The following SLIT3 variants were observed in gnomAD, a reference collection of about 807,000 sequenced individuals.
SLIT3 encodes slit homolog 3 protein.
A neutral mutation model predicts 184.0 loss-of-function variants in SLIT3; 68 were observed. The observed-to-expected ratio is 0.37, with a 90% confidence interval of 0.30 to 0.45. SLIT3 has a LOEUF of 0.45. Ranked by LOEUF, SLIT3 falls within the 20% of genes least tolerant of loss-of-function variation. SLIT3 has a pLI of 1.00. For synonymous variants in SLIT3, 831 were observed against 828.6 expected, an observed-to-expected ratio of 1.00 and a Z score of -0.05; for missense variants, 1,707 against 2,026.0, an observed-to-expected ratio of 0.84 and a Z score of 3.02.
chr5:168,772,627 C>G (rs941084966), intron 14 of SLIT3, 154 bp downstream of exon 14: 2 of 708,686 alleles, frequency 2.8e-6, no homozygotes, highest in African/African-American at 3.6e-5. Context: ...AACTGGTTTT[C>G]TGCAGGGCTA....
At chr5:168,963,254 C>G (rs1763076119) in intron 4 of SLIT3, among the ~76,000 whole-genome samples, 1 of 152,182 alleles carries the variant, frequency 6.6e-6, no homozygotes, top group African/African-American at 2.4e-5. Flanking sequence ...CTACTGCAAC[C>G]TCCATCTCCT....
intron 33 of SLIT3, 104 bp downstream of exon 33, chr5:168,673,073 C>T: frequency 8.9e-7 from 1 of 1,121,118 alleles, no homozygotes; most frequent in Non-Finnish European, 1.3e-6. Flanking sequence ...TTGTCCCTTC[C>T]TCCAGGAAGC....
At chr5:168,705,521 C>T (rs1397091265) in intron 26 of SLIT3, among the ~76,000 whole-genome samples, 1 of 152,026 alleles carries the variant, frequency 6.6e-6, no homozygotes, top group East Asian at 2.0e-4. Flanking sequence ...GTCATCATCA[C>T]CGATACCATC....
chr5:168,674,526 C>G (rs917752915), intron 32 of SLIT3, among the ~76,000 whole-genome samples: 1 of 137,040 alleles, frequency 7.3e-6, no homozygotes, highest in African/African-American at 2.7e-5. Flanking sequence ...GAGTCTCACT[C>G]TGTCGCCCAG....
chr5:169,111,385 C>A (rs554041381), intron 4 of SLIT3, among the ~76,000 whole-genome samples: 2 of 152,356 alleles, frequency 1.3e-5, no homozygotes, highest in South Asian at 4.1e-4. Flanking sequence ...TGGGGCCATA[C>A]TCAACCATGC....
At chr5:168,998,199 A>G (rs573865839) in intron 4 of SLIT3, among the ~76,000 whole-genome samples, 2 of 152,338 alleles carry the variant, frequency 1.3e-5, no homozygotes, top group African/African-American at 4.8e-5. Flanking sequence ...ATACTTTGTC[A>G]TGGCTTAAAA....
At chr5:168,896,699 A>G (rs568649780) in intron 4 of SLIT3, among the ~76,000 whole-genome samples, 4 of 152,306 alleles carry the variant, frequency 2.6e-5, no homozygotes, top group Middle Eastern at 6.8e-3. Flanking sequence ...CTGGTTGGAA[A>G]ATGGTTGACT....
chr5:169,057,170 G>C (rs1250891684), intron 4 of SLIT3, among the ~76,000 whole-genome samples: 1 of 152,176 alleles, frequency 6.6e-6, no homozygotes, highest in Non-Finnish European at 1.5e-5. Context: ...ATGTGACCTA[G>C]GGAAGTTGAG....
At chr5:168,952,570 TTA>T (rs147000860) in intron 4 of SLIT3, among the ~76,000 whole-genome samples, 44,177 of 120,076 alleles carry the variant, frequency 0.37, 7,616 homozygotes, top group African/African-American at 0.45. Context: ...GCAAAGGGAT[TTA>T]AAAAAAAAAA....
chr5:168,818,932 T>C (rs1757429845), intron 7 of SLIT3, among the ~76,000 whole-genome samples: 2 of 152,278 alleles, frequency 1.3e-5, no homozygotes, highest in Non-Finnish European at 2.9e-5. Context: ...ATATCCCATA[T>C]AAAATGTAAT....
chr5:168,746,675 A>G (rs985619929), intron 20 of SLIT3, among the ~76,000 whole-genome samples: 146 of 5,034 alleles, frequency 0.029, 19 homozygotes, highest in Admixed American at 0.04. Context: ...GTGTGGTGGT[A>G]TGGTGGTGTG....
chr5:169,160,653 T>C (rs1472799804), intron 4 of SLIT3, among the ~76,000 whole-genome samples: 1 of 152,230 alleles, frequency 6.6e-6, no homozygotes, highest in East Asian at 1.9e-4. Flanking sequence ...TGAGATAAGC[T>C]GGAGGAATGA....
rs1468863247 is a variant in SLIT3, at chr5:169,059,907, AG to A, written c.413+133571del. 1.2e-4 allele frequency among the ~76,000 whole-genome samples: 18 copies of A among 152,360 alleles called. No individual in the cohort carries two copies. In the East Asian group the frequency reaches 2.9e-3, roughly 25 times the overall value. ...GAGGCAGGGCCTTTGGGAGATGATTAGGTCATGAGGCAGAGCCTTTTTGAAT... is the reference window on the plus strand; with the variant it reads ...GAGGCAGGGCCTTTGGGAGATGATTAGTCATGAGGCAGAGCCTTTTTGAAT... On this transcript the variant is annotated intron_variant, in intron 4 of 35. Coordinates refer to ENST00000519560, the MANE Select transcript of SLIT3 (RefSeq NM_003062.4).
chr5:168,773,081 G>T (rs777530853), intron 13 of SLIT3, 137 bp from the exon 14 acceptor site: 2 of 861,640 alleles, frequency 2.3e-6, no homozygotes, highest in Admixed American at 3.1e-5. Context: ...GAAGCCTTAG[G>T]GGGTGCTACT....
intron 23 of SLIT3, chr5:168,720,014 A>G (rs56238631): frequency 0.23 from 35,157 of 152,070 alleles, 4,279 homozygotes; most frequent in Non-Finnish European, 0.26. Flanking sequence ...CCCAGGCTCC[A>G]ATGATCCTCC....
rs180745815 is a variant in SLIT3 at position 169,219,351 on chromosome 5, C to G, written c.341+25354G>C. On this transcript the variant is annotated intron_variant, in intron 3 of 35. Coordinates refer to ENST00000519560, the MANE Select transcript of SLIT3 (RefSeq NM_003062.4). ...GTAGGTTTTAATTAATTTAATCCCC[C>G]AACATGCCTAGAAGGTGCAGACCAT... is the stretch of plus-strand genomic sequence containing the variant. Among the ~76,000 whole-genome samples the G allele has an allele frequency of 5.9e-5, 9 of 152,332 alleles. No homozygotes were observed. In the East Asian group the frequency reaches 1.7e-3, roughly 29 times the overall value.
rs1554106510 is a variant in SLIT3 at position 169,198,976 on chromosome 5, A to ACATGTG, written c.342-5427_342-5426insCACATG. Among the ~76,000 whole-genome samples the ACATGTG allele has an allele frequency of 2.9e-4, 44 of 149,322 alleles. No homozygotes were observed. The South Asian group carries it at 3.0e-3, about 10-fold the overall frequency. On this transcript the variant is annotated intron_variant, in intron 3 of 35. Transcript: ENST00000519560. ...TATACACACACACACACACACACAC[A>ACATGTG]TATGTGTGTATATTTATATATATAT...
At chr5:169,171,866 A>C (rs1265017684) in intron 4 of SLIT3, among the ~76,000 whole-genome samples, 1 of 152,196 alleles carries the variant, frequency 6.6e-6, no homozygotes, top group Non-Finnish European at 1.5e-5. Context: ...CAGAATGCCT[A>C]AGGGGCCTAC....
intron 25 of SLIT3, among the ~76,000 whole-genome samples, chr5:168,709,658 T>C (rs1399645243): frequency 6.7e-6 from 1 of 149,668 alleles, no homozygotes; most frequent in Non-Finnish European, 1.5e-5. Flanking sequence ...AGCAGAAGTG[T>C]AGGACACACT....
Sources: gnomAD v4.1 joint callset for allele counts (sites outside exome capture counted in the v4.1 genomes callset) on GRCh38, gnomAD v4.1.1 for gene constraint, MANE v1.5 for transcripts, NCBI Gene and HGNC (gene_info 2026-07-23, HGNC 2026-07-21) for gene names.